The following SHISA9 variants were observed in gnomAD, a reference collection of about 807,000 sequenced individuals.
The protein encoded by SHISA9 is protein shisa-9.
In SHISA9, 13 loss-of-function variants were observed where a neutral mutation model predicts 38.0. The ratio of observed to expected loss-of-function variants is 0.34; its 90% CI spans 0.22 to 0.54. The LOEUF (loss-of-function observed/expected upper bound fraction) is 0.54, where lower values mean the gene tolerates loss of function less well. Ranked by LOEUF, SHISA9 falls within the 20% of genes least tolerant of loss-of-function variation. The probability of loss-of-function intolerance (pLI) is 0.91; values close to 1 mark genes in which losing one functional copy is unlikely to be tolerated. For synonymous variants in SHISA9, 275 were observed against 242.0 expected (o/e 1.14, Z -1.27); for missense variants, 538 against 575.8 (o/e 0.93, Z 0.67).
At chr16:13,394,587 T>C in the SHISA9 span, among the ~76,000 whole-genome samples, 1 of 152,192 alleles carries the variant, frequency 6.6e-6, no homozygotes, top group South Asian at 2.1e-4. Context: ...GCTTTCTCGT[T>C]CTCACTCTCT....
chr16:13,121,708 T>A (rs955378058), intron 2 of SHISA9, among the ~76,000 whole-genome samples: 5 of 152,018 alleles, frequency 3.3e-5, no homozygotes, highest in African/African-American at 1.2e-4. Context: ...TCCGTGGGGA[T>A]GGGGGCAGGG....
chr16:13,552,672 G>A, the SHISA9 span, among the ~76,000 whole-genome samples: 13 of 152,122 alleles, frequency 8.5e-5, no homozygotes, highest in African/African-American at 2.7e-4. Context: ...TGAAAAGACC[G>A]GCCCAGGGGG....
At chr16:12,970,497 A>ATTT (rs146879130) in intron 2 of SHISA9, among the ~76,000 whole-genome samples, 3 of 17,586 alleles carry the variant, frequency 1.7e-4, no homozygotes, top group Non-Finnish European at 2.8e-4. Context: ...ATATATATAT[A>ATTT]TTTTTTTTTT....
the SHISA9 span, among the ~76,000 whole-genome samples, chr16:13,369,014 T>C: frequency 6.6e-6 from 1 of 152,172 alleles, no homozygotes; most frequent in East Asian, 1.9e-4. Context: ...AAAGAAAAGG[T>C]ACTAGAATGG....
Position 13,237,056 on chromosome 16 carries a change from A to G in SHISA9, c.*1647A>G, listed in dbSNP as rs1442453104. On this transcript the variant is annotated 3_prime_UTR_variant, in exon 5 of 5. Transcript: ENST00000558583. ...GTGGAAGGTTTTTCAACTAGCCCCT[A>G]AAGGTCTTTGGTAGTTAATTAACAT... 6.6e-6 allele frequency: 1 copy of G among 152,174 alleles called. No homozygotes were observed. Among genetic ancestry groups the G allele is most frequent in the Non-Finnish European group, 1.5e-5 (1 of 68,034 alleles). 9.4% of individuals were successfully genotyped at this position (152,174 alleles called of 1,614,324 possible).
Position 13,013,894 on chromosome 16 carries a change from AT to A in SHISA9, c.691+97087del, listed in dbSNP as rs935438485. Among the ~76,000 whole-genome samples the A allele has an allele frequency of 1.8e-3, 269 of 151,844 alleles. 1 individual carries two copies. The highest frequency in any genetic ancestry group is 6.3e-3 in the African/African-American group (261 of 41,424). On this transcript the variant is annotated intron_variant, in intron 2 of 4. Coordinates refer to ENST00000558583, the MANE Select transcript of SHISA9 (RefSeq NM_001145204.3). ...AGGTGCCCGCCACCAGGCCTGGCTA[AT>A]TTTTTTTGTATTTTTAGTAGAGACG...
the SHISA9 span, among the ~76,000 whole-genome samples, chr16:13,430,824 T>C: frequency 3.9e-4 from 58 of 150,198 alleles, no homozygotes; most frequent in East Asian, 0.011. Flanking sequence ...GAGGTCAAGG[T>C]GGGAGGATCT....
At chr16:13,203,853 A>C (rs531635255) in intron 3 of SHISA9, among the ~76,000 whole-genome samples, 1 of 152,014 alleles carries the variant, frequency 6.6e-6, no homozygotes, top group East Asian at 1.9e-4. Context: ...TGTATTATCT[A>C]TCTGTCTGTC....
At chr16:13,274,476 C>A in the SHISA9 span, among the ~76,000 whole-genome samples, 1 of 152,150 alleles carries the variant, frequency 6.6e-6, no homozygotes, top group South Asian at 2.1e-4. Flanking sequence ...AGAGGTCACC[C>A]ACTCCTATAG....
At chr16:13,221,112 G>A (rs1426757001) in intron 4 of SHISA9, among the ~76,000 whole-genome samples, 8 of 152,248 alleles carry the variant, frequency 5.3e-5, no homozygotes, top group South Asian at 2.1e-4. Flanking sequence ...GCTCCTGGAC[G>A]CCTTTTTCCG....
the SHISA9 span, among the ~76,000 whole-genome samples, chr16:13,452,490 A>C: frequency 3.3e-5 from 5 of 152,158 alleles, no homozygotes; most frequent in African/African-American, 1.2e-4. Flanking sequence ...TGTTCCTGAG[A>C]GAAACAACAG....
At chr16:13,241,130 G>A (rs1243269554), downstream of SHISA9, among the ~76,000 whole-genome samples, 1 of 152,150 alleles carries the variant, frequency 6.6e-6, no homozygotes, top group African/African-American at 2.4e-5. Flanking sequence ...ATGGCCATCA[G>A]ACATTGTTTC....
At chr16:13,532,829 C>G in the SHISA9 span, among the ~76,000 whole-genome samples, 1 of 152,158 alleles carries the variant, frequency 6.6e-6, no homozygotes, top group Non-Finnish European at 1.5e-5. Context: ...AAGATTCCAG[C>G]ACCTGGATCA....
At chr16:12,928,507 T>C (rs2071422721) in intron 2 of SHISA9, among the ~76,000 whole-genome samples, 1 of 152,240 alleles carries the variant, frequency 6.6e-6, no homozygotes, top group South Asian at 2.1e-4. Flanking sequence ...AGGACACAAT[T>C]ACTGATCACA....
chr16:13,379,262 T>C, the SHISA9 span, among the ~76,000 whole-genome samples: 1 of 152,202 alleles, frequency 6.6e-6, no homozygotes, highest in Admixed American at 6.5e-5. Context: ...ACATTCATCT[T>C]ATTTTGGAAG....
At chr16:13,120,733 G>A (rs918579001) in intron 2 of SHISA9, among the ~76,000 whole-genome samples, 10 of 152,178 alleles carry the variant, frequency 6.6e-5, no homozygotes, top group Admixed American at 1.3e-4. Context: ...GGAAGAATGC[G>A]TAGAGGGGCA....
the SHISA9 span, among the ~76,000 whole-genome samples, chr16:13,530,949 CTGATCTCCACA>C: frequency 6.6e-6 from 1 of 152,192 alleles, no homozygotes; most frequent in East Asian, 1.9e-4. Context: ...TGAATGTTGT[CTGATCTCCACA>C]TGATGCCTGG....
chr16:12,962,567 CAG>C (rs2071925327), intron 2 of SHISA9, among the ~76,000 whole-genome samples: 1 of 152,184 alleles, frequency 6.6e-6, no homozygotes. Flanking sequence ...AGAGAAAGAG[CAG>C]AGTTTTCTCC....
At chr16:13,531,433 C>G in the SHISA9 span, among the ~76,000 whole-genome samples, 1 of 152,178 alleles carries the variant, frequency 6.6e-6, no homozygotes, top group Admixed American at 6.5e-5. Flanking sequence ...ATAACTCCCC[C>G]AATCTTACAG....
Sources: allele counts gnomAD v4.1 joint callset (sites outside exome capture counted in the v4.1 genomes callset), GRCh38; gene constraint gnomAD v4.1.1; transcripts MANE v1.5; gene names NCBI Gene and HGNC (gene_info 2026-07-23, HGNC 2026-07-21).